Variants in SLC13A5 observed in about 807,000 individuals in gnomAD.
SLC13A5 encodes the protein solute carrier family 13 member 5.
Under a neutral mutation model 56.5 loss-of-function variants are expected in SLC13A5, and 25 were observed. The observed-to-expected ratio is 0.44, with a 90% CI of 0.32 to 0.62. SLC13A5 has a LOEUF of 0.62. Among genes scored for constraint, SLC13A5 ranks in the 20% least tolerant of loss-of-function variants. The probability of loss-of-function intolerance (pLI) is 0.04; values close to 1 mark genes in which losing one functional copy is unlikely to be tolerated. For synonymous variants in SLC13A5, 307 were observed against 301.5 expected, an observed-to-expected ratio of 1.02 and a Z score of -0.19; for missense variants, 649 against 737.8, an observed-to-expected ratio of 0.88 and a Z score of 1.39.
intron 1 of SLC13A5, 55 bp from the exon 2 acceptor site, chr17:6,707,211 C>A: frequency 1.9e-6 from 3 of 1,603,738 alleles, no homozygotes; most frequent in Non-Finnish European, 2.6e-6. Flanking sequence ...TCCCCACCCC[C>A]AGAACACTCC....
chr17:6,686,600 A>C (rs1317529874), intron 11 of SLC13A5: 2 of 428,266 alleles, frequency 4.7e-6, no homozygotes, highest in Non-Finnish European at 8.7e-6. Context: ...AAGTGACAGG[A>C]GGCAACAGCT....
Position 6,686,021 on chromosome 17 carries a change from G to T in SLC13A5, c.*186C>A. 1.3e-6 allele frequency: 1 copy of T among 792,548 alleles called. No individual in the cohort carries two copies. The highest frequency in any genetic ancestry group is 2.3e-5 in the Admixed American group (1 of 42,576). 49.1% of individuals were successfully genotyped at this position (792,548 alleles called of 1,614,324 possible). ...CCTTCATTTCTGAGCCTACCCTCCA[G>T]CTGCCCATGACCATCTCTGCATCTG... is the stretch of plus-strand genomic sequence containing the variant. On this transcript the variant is annotated 3_prime_UTR_variant, in exon 12 of 12. Coordinates refer to ENST00000433363, the MANE Select transcript of SLC13A5 (RefSeq NM_177550.5).
intron 10 of SLC13A5, among the ~76,000 whole-genome samples, chr17:6,690,364 C>T (rs1296799259): frequency 6.6e-6 from 1 of 152,152 alleles, no homozygotes; most frequent in East Asian, 1.9e-4. Flanking sequence ...CCCAAGTCCC[C>T]ACTCCTCCAA....
chr17:6,704,049 G>A lies in SLC13A5; in HGVS notation c.376C>T (p.Leu126=). ...AGGGCTGTGACGCCCATGAAGCCCA[G>A]CATCAGCCTGCAGAGGAGGGGCAGG... ...WVGAKPARLM[L]GFMGVTALLS... Residue 126 remains leucine (L), a synonymous_variant, in exon 4 of 12, where the codon CTG becomes TTG. Coordinates refer to ENST00000433363, the MANE Select transcript of SLC13A5 (RefSeq NM_177550.5). 1 of 1,610,998 alleles carries A rather than the reference G, an allele frequency of 6.2e-7. No individual in the cohort carries two copies. Among genetic ancestry groups the A allele is most frequent in the African/African-American group, 1.3e-5 (1 of 75,002 alleles).
At chr17:6,706,877 G>A (rs553287904) in intron 2 of SLC13A5, 99 bp from the exon 3 acceptor site, 2 of 1,569,934 alleles carry the variant, frequency 1.3e-6, no homozygotes, top group African/African-American at 2.7e-5. Flanking sequence ...TTGGAGTGGG[G>A]ATGCAGGCTC....
rs761917087 is a variant in SLC13A5 at position 6,704,000 on chromosome 17, G to A, written c.425C>T (p.Thr142Met). The A allele has an allele frequency of 1.2e-5, 19 of 1,613,160 alleles. No homozygotes were observed. The highest frequency in any genetic ancestry group is 3.3e-5 in the Admixed American group (2 of 59,988). Residue 142 changes from threonine (T) to methionine (M), a missense_variant, in exon 4 of 12, where the codon ACG becomes ATG. Thr to Met is a moderately conservative substitution (Grantham distance 81, BLOSUM62 -1). Coordinates refer to ENST00000433363, the MANE Select transcript of SLC13A5 (RefSeq NM_177550.5). ...GGGCACCATCATGGCCGTGGTTGCC[G>A]TGTTACTGATCCACATGGACAGGAG... The part of the protein sequence containing the change: ...TALLSMWISN[T>M]ATTAMMVPIV...
intron 3 of SLC13A5, 170 bp from the exon 4 acceptor site, chr17:6,704,226 C>T (rs779921786): frequency 4.0e-6 from 3 of 741,416 alleles, no homozygotes; most frequent in South Asian, 3.0e-5. Flanking sequence ...CCCCTCCCTC[C>T]CTCCTTCCCT....
intron 6 of SLC13A5, among the ~76,000 whole-genome samples, chr17:6,698,986 C>A (rs993757941): frequency 6.6e-6 from 1 of 150,382 alleles, no homozygotes; most frequent in Non-Finnish European, 1.5e-5. Flanking sequence ...GAGGTTGCAG[C>A]GAGCCGAGAT....
intron 10 of SLC13A5, chr17:6,690,088 A>AAC (rs1973363325): frequency 7.2e-6 from 1 of 139,698 alleles, no homozygotes; most frequent in Non-Finnish European, 1.5e-5. Context: ...AAAAAAAAAA[A>AAC]AAAAAAACCA....
intron 11 of SLC13A5, 26 bp from the exon 12 acceptor site, chr17:6,686,364 C>T: frequency 6.2e-7 from 1 of 1,613,658 alleles, no homozygotes; most frequent in East Asian, 2.2e-5. Context: ...AGTCAGCACC[C>T]TGAGGCCTGC....
At chr17:6,699,093 TA>T (rs1235326501) in intron 6 of SLC13A5, among the ~76,000 whole-genome samples, 8 of 146,958 alleles carry the variant, frequency 5.4e-5, no homozygotes, top group East Asian at 4.0e-4. Context: ...ATAAATAAAA[TA>T]AAATAAAATA....
At chr17:6,693,983 A>G (rs936736539) in intron 8 of SLC13A5, 114 bp downstream of exon 8, 5 of 518,476 alleles carry the variant, frequency 9.6e-6, no homozygotes, top group Non-Finnish European at 1.3e-5. Context: ...TTTGTAGCCA[A>G]TCCTCTTGGA....
chr17:6,685,500 G>C lies in SLC13A5; in HGVS notation c.*707C>G, dbSNP rs561159224. The C allele has an allele frequency of 6.6e-6, 1 of 152,468 alleles. No individual in the cohort carries two copies. Among genetic ancestry groups the C allele is most frequent in the Non-Finnish European group, 1.5e-5 (1 of 68,230 alleles). 9.4% of individuals were successfully genotyped at this position (152,468 alleles called of 1,614,324 possible). The stretch of plus-strand genomic sequence containing the variant: ...GGAGAGGTGGGACAGGGGGCCAGTC[G>C]ATTAAAACAGAACCAAGTGATGAAG... On this transcript the variant is annotated 3_prime_UTR_variant, in exon 12 of 12. Transcript: ENST00000433363. This position sits in a 1 kb window ranked among gnomAD's most constrained non-coding sequence, Gnocchi z 4.2.
In SLC13A5 at chr17:6,685,217, G is replaced by A. The variant is rs755935524; in HGVS notation, c.*990C>T. 5.3e-5 allele frequency: 8 copies of A among 152,290 alleles called. No homozygotes were observed. The highest frequency in any genetic ancestry group is 1.2e-4 in the Non-Finnish European group (8 of 68,078). The allele number at this position is 152,290 out of a possible 1,614,324, so 9.4% of individuals were successfully genotyped here. ...GCATGAAAGACTCTGAAGTGGCATAGCCAGTGGAAATTAACAGCTGTGTCC... is the reference window on the plus strand; with the variant it reads ...GCATGAAAGACTCTGAAGTGGCATAACCAGTGGAAATTAACAGCTGTGTCC... On this transcript the variant is annotated 3_prime_UTR_variant, in exon 12 of 12. Coordinates refer to ENST00000433363, the MANE Select transcript of SLC13A5 (RefSeq NM_177550.5). This position sits in a 1 kb window ranked among gnomAD's most constrained non-coding sequence, Gnocchi z 4.2.
In SLC13A5 at chr17:6,703,137, C is replaced by G. The variant is rs755661318; in HGVS notation, c.549G>C (p.Gly183=). The G allele has an allele frequency of 3.7e-6, 6 of 1,613,906 alleles. No homozygotes were observed. The African/African-American group carries it at 8.0e-5, about 22-fold the overall frequency. The change falls in exon 5 of 12, where the codon GGG becomes GGC. Residue 183 remains glycine (G), a splice_region_variant and synonymous_variant. Transcript: ENST00000433363. ...VDKGKAKELP[G]SQVIFEGPTL... ...TGGGGCCTTCAAAAATCACTTGACT[C>G]CCTGTGGTGGGCACAGCGCTGTTAG...
At chr17:6,690,750 G>A in intron 10 of SLC13A5, 29 bp downstream of exon 10, 1 of 1,614,082 alleles carries the variant, frequency 6.2e-7, no homozygotes. Flanking sequence ...TGAAATGGAA[G>A]GGCTCCTCCC....
At chr17:6,691,044 A>C (rs1419686402) in intron 9 of SLC13A5, 104 bp from the exon 10 acceptor site, 3 of 1,275,404 alleles carry the variant, frequency 2.4e-6, no homozygotes, top group African/African-American at 1.5e-5. Flanking sequence ...CTCTCTCTCT[A>C]CACCTCATAG....
At position 6,692,696 on chromosome 17, in the gene SLC13A5, A is replaced by G. The variant is rs1973444241; in HGVS notation, c.1275+348T>C. 6.6e-6 allele frequency among the ~76,000 whole-genome samples: 1 copy of G among 152,260 alleles called. No individual in the cohort carries two copies. The highest frequency in any genetic ancestry group is 1.5e-5 in the Non-Finnish European group (1 of 68,048). On this transcript the variant is annotated intron_variant, in intron 9 of 11. Transcript: ENST00000433363. This position sits in a 1 kb window ranked among gnomAD's most constrained non-coding sequence, Gnocchi z 5.5. The stretch of plus-strand genomic sequence containing the variant: ...GAAGGACCAAAAGTAGTAGCAAACA[A>G]TATTGACAAGGATTGGAAAGAAAGA...
chr17:6,712,198 C>A (rs1974058524), intron 1 of SLC13A5, among the ~76,000 whole-genome samples: 1 of 152,208 alleles, frequency 6.6e-6, no homozygotes, highest in Non-Finnish European at 1.5e-5. Flanking sequence ...CAGTGCACTC[C>A]CTTCCTCTAG....
Sources: allele counts gnomAD v4.1 joint callset (sites outside exome capture counted in the v4.1 genomes callset), GRCh38; gene constraint gnomAD v4.1.1; non-coding constraint Gnocchi (gnomAD v3.1); transcripts MANE v1.5; gene names NCBI Gene and HGNC (gene_info 2026-07-23, HGNC 2026-07-21).